The following DNAH1 variants were observed in gnomAD, a reference collection of about 807,000 sequenced individuals.
DNAH1 encodes the protein axonemal beta dynein heavy chain 1.
DNAH1 carries 327 observed loss-of-function variants against 484.3 expected under a neutral mutation model. The observed-to-expected ratio is 0.68, with a 90% CI of 0.62 to 0.74. The LOEUF is 0.74. Ranked by LOEUF, DNAH1 falls within the 30% of genes least tolerant of loss-of-function variation. DNAH1 has a pLI of 0.00. For missense variants in DNAH1, 5,052 were observed against 5,546.8 expected (o/e 0.91, Z 2.83); for synonymous variants, 2,192 against 2,191.9 (o/e 1.00, Z 0.00).
rs1704447611 is a variant in DNAH1 at position 52,392,774 on chromosome 3, C to T, written c.10279-56C>T. 12 of 1,554,506 alleles carry T rather than the reference C, an allele frequency of 7.7e-6. 1 individual carries two copies. The South Asian group carries it at 1.3e-4, about 16-fold the overall frequency. ...CTCCCTGCCTGCCCTAGGCCTGCCC[C>T]CCAAACCCCCTACCTTCTGCTCTTT... On this transcript the variant is annotated intron_variant, in intron 64 of 77. Coordinates refer to ENST00000420323, the MANE Select transcript of DNAH1 (RefSeq NM_015512.5).
intron 60 of DNAH1, among the ~76,000 whole-genome samples, chr3:52,389,814 T>C (rs1209153106): frequency 6.6e-6 from 1 of 152,206 alleles, no homozygotes. Flanking sequence ...TTAGGGGTAC[T>C]TTTAAGAGTG....
At position 52,359,238 on chromosome 3, in the gene DNAH1, C is replaced by T. The variant is rs1284961701; in HGVS notation, c.4267-8C>T. ...GTCCAGGTCAGCCTGCCCATGCTGTCTTCCCAGATGCCCAGGACCCAGTGG... is the reference window on the plus strand; with the variant it reads ...GTCCAGGTCAGCCTGCCCATGCTGTTTTCCCAGATGCCCAGGACCCAGTGG... On this transcript the variant is annotated splice_region_variant and splice_polypyrimidine_tract_variant and intron_variant, in intron 25 of 77. Coordinates refer to ENST00000420323, the MANE Select transcript of DNAH1 (RefSeq NM_015512.5). 6 of 1,563,580 alleles carry T rather than the reference C, an allele frequency of 3.8e-6. No individual in the cohort carries two copies. In the South Asian group the frequency reaches 5.9e-5, roughly 15 times the overall value.
At chr3:52,349,950 C>T in intron 14 of DNAH1, 39 bp from the exon 15 acceptor site, 1 of 1,572,106 alleles carries the variant, frequency 6.4e-7, no homozygotes, top group Non-Finnish European at 8.6e-7. Flanking sequence ...GGCAAGGGAG[C>T]AGCATGCTGC....
chr3:52,388,665 G>A, intron 58 of DNAH1, 56 bp downstream of exon 58: 3 of 1,610,640 alleles, frequency 1.9e-6, no homozygotes, highest in Non-Finnish European at 2.5e-6. Flanking sequence ...ACAGGGGCCA[G>A]AAAGGACCAG....
At chr3:52,394,332 T>C in intron 66 of DNAH1, 133 bp from the exon 67 acceptor site, 1 of 849,386 alleles carries the variant, frequency 1.2e-6, no homozygotes. Context: ...CCAGACCTGT[T>C]TGACTACCAT....
chr3:52,382,733 G>T, intron 50 of DNAH1, among the ~76,000 whole-genome samples: 1 of 152,242 alleles, frequency 6.6e-6, no homozygotes, highest in East Asian at 1.9e-4. Flanking sequence ...GGCCAATGGT[G>T]TCCCACCTCA....
At chr3:52,346,849 C>A in intron 11 of DNAH1, 79 bp downstream of exon 11, 1 of 1,462,024 alleles carries the variant, frequency 6.8e-7, no homozygotes, top group Non-Finnish European at 9.2e-7. Context: ...GGTCAGGGAC[C>A]AGGGCCAGGG....
chr3:52,386,145 G>A lies in DNAH1; in HGVS notation c.8626-15G>A. 2 of 1,606,512 alleles carry A rather than the reference G, an allele frequency of 1.2e-6. No homozygotes were observed. Among genetic ancestry groups the A allele is most frequent in the Non-Finnish European group, 1.7e-6 (2 of 1,175,134 alleles). On this transcript the variant is annotated splice_polypyrimidine_tract_variant and intron_variant, in intron 54 of 77. Coordinates refer to ENST00000420323, the MANE Select transcript of DNAH1 (RefSeq NM_015512.5). ...AGAAAAGGGGGGAGGACATCCCTAT[G>A]TCTCCCATCCCCAGGTGGATACGGC...
At position 52,355,750 on chromosome 3, in the gene DNAH1, C is replaced by T. The variant is rs182145018; in HGVS notation, c.3693+695C>T. Among the ~76,000 whole-genome samples, 3 of 152,392 alleles carry T rather than the reference C, an allele frequency of 2.0e-5. No individual in the cohort carries two copies. The highest frequency in any genetic ancestry group is 1.3e-4 in the Admixed American group (2 of 15,310). ...ACTATCCCCAGTCCCCCTCTGCTCA[C>T]GCTGTCCACTCGACCTGGAGTTTGA... is the stretch of plus-strand genomic sequence containing the variant. On this transcript the variant is annotated intron_variant, in intron 21 of 77. Coordinates refer to ENST00000420323, the MANE Select transcript of DNAH1 (RefSeq NM_015512.5). This position sits in a 1 kb window ranked among gnomAD's most constrained non-coding sequence, Gnocchi z 4.5.
At chr3:52,322,998 T>C (rs182838691) in intron 2 of DNAH1, among the ~76,000 whole-genome samples, 21 of 152,324 alleles carry the variant, frequency 1.4e-4, no homozygotes, top group Admixed American at 7.8e-4. Flanking sequence ...CGACAACTCA[T>C]TACTGAGCTC....
chr3:52,361,591 C>A lies in DNAH1; in HGVS notation c.4875-70C>A. 1 of 1,477,000 alleles carries A rather than the reference C, an allele frequency of 6.8e-7. No homozygotes were observed. The highest frequency in any genetic ancestry group is 9.2e-7 in the Non-Finnish European group (1 of 1,085,150). 91.5% of individuals were successfully genotyped at this position (1,477,000 alleles called of 1,614,324 possible). On this transcript the variant is annotated intron_variant, in intron 29 of 77. Transcript: ENST00000420323. The surrounding 1 kb of genome is among the most constrained non-coding windows in gnomAD (Gnocchi z 5.6). ...TCCTCCCAAGTGGAGTTGGAGGGGG[C>A]CCTCAGAGGGAGGTGCCCAGATTGG...
rs1323017665 is a variant in DNAH1 at position 52,379,891 on chromosome 3, T to TG, written c.7378-10dup. ...GGGGGCCAAGGACAGGCACCGATGC[T>TG]GGGGCTACTGCAGGACCAAGTGCAG... On this transcript the variant is annotated splice_polypyrimidine_tract_variant and intron_variant, in intron 47 of 77. Transcript: ENST00000420323. This position sits in a 1 kb window ranked among gnomAD's most constrained non-coding sequence, Gnocchi z 4.4. 2 of 1,550,878 alleles carry TG rather than the reference T, an allele frequency of 1.3e-6. No individual in the cohort carries two copies. The highest frequency in any genetic ancestry group is 2.7e-5 in the African/African-American group (2 of 73,166).
Position 52,333,836 on chromosome 3 carries a change from G to A in DNAH1, c.1286+1442G>A, listed in dbSNP as rs563525254. ...ATTTTAAACACTTTATTATAAAATA[G>A]GCTTTGTGTTACATAATTTTGCCCA... is the stretch of plus-strand genomic sequence containing the variant. On this transcript the variant is annotated intron_variant, in intron 8 of 77. Transcript: ENST00000420323. 3.3e-5 allele frequency among the ~76,000 whole-genome samples: 5 copies of A among 152,110 alleles called. No homozygotes were observed. The South Asian group carries it at 8.3e-4, about 25-fold the overall frequency.
rs1301979202 is a variant in DNAH1 at position 52,361,637 on chromosome 3, A to T, written c.4875-24A>T. 6.3e-7 allele frequency: 1 copy of T among 1,580,392 alleles called. No homozygotes were observed. Among genetic ancestry groups the T allele is most frequent in the South Asian group, 1.2e-5 (1 of 86,286 alleles). On this transcript the variant is annotated intron_variant, in intron 29 of 77. Coordinates refer to ENST00000420323, the MANE Select transcript of DNAH1 (RefSeq NM_015512.5). This position sits in a 1 kb window ranked among gnomAD's most constrained non-coding sequence, Gnocchi z 5.6. Reference sequence around the variant, plus strand: ...ATTGGGCTCTGAACACATGTGCCCCATCCAATGTTCCGGCCTCACTCAGTG... The same window carrying T: ...ATTGGGCTCTGAACACATGTGCCCCTTCCAATGTTCCGGCCTCACTCAGTG...
chr3:52,312,122 G>C (rs972703477), upstream of DNAH1, among the ~76,000 whole-genome samples: 2 of 152,198 alleles, frequency 1.3e-5, no homozygotes, highest in African/African-American at 4.8e-5. Context: ...AGGGACCGAG[G>C]GTCCAGCTGC....
In DNAH1 at chr3:52,389,600, G is replaced by C; in HGVS notation, c.9621+14G>C. ...CGATCGTGGCAGGTGCCCACCCCAG[G>C]GGCAGGAGTGCCCAGGCAGGGCCTG... On this transcript the variant is annotated intron_variant, in intron 60 of 77. Coordinates refer to ENST00000420323, the MANE Select transcript of DNAH1 (RefSeq NM_015512.5). The C allele has an allele frequency of 5.5e-6, 8 of 1,441,494 alleles. No individual in the cohort carries two copies. Among genetic ancestry groups the C allele is most frequent in the Non-Finnish European group, 7.3e-6 (8 of 1,094,236 alleles). 89.3% of individuals were successfully genotyped at this position (1,441,494 alleles called of 1,614,324 possible).
rs1702692875 is a variant in DNAH1 at position 52,358,042 on chromosome 3, G to A, written c.4086+39G>A. ...CCCGGGGCTCAGGGCTGGGAGCATG[G>A]GGCATCTTCCCAGGGAGAACGTCCC... On this transcript the variant is annotated intron_variant, in intron 24 of 77. Transcript: ENST00000420323. This position sits in a 1 kb window ranked among gnomAD's most constrained non-coding sequence, Gnocchi z 4.2. 6.7e-7 allele frequency: 1 copy of A among 1,486,304 alleles called. No individual in the cohort carries two copies. The highest frequency in any genetic ancestry group is 9.2e-7 in the Non-Finnish European group (1 of 1,092,024). The allele number at this position is 1,486,304 out of a possible 1,614,324, so 92.1% of individuals were successfully genotyped here. A position where few individuals can be genotyped will look rare whatever the true frequency, so the allele number is the denominator to read the frequency against.
rs79358100 is a variant in DNAH1 at position 52,337,836 on chromosome 3, C to T, written c.1286+5442C>T. 2.3e-3 allele frequency among the ~76,000 whole-genome samples: 350 copies of T among 152,264 alleles called. 1 individual carries two copies. Among genetic ancestry groups the T allele is most frequent in the African/African-American group, 8.0e-3 (331 of 41,534 alleles). On this transcript the variant is annotated intron_variant, in intron 8 of 77. Coordinates refer to ENST00000420323, the MANE Select transcript of DNAH1 (RefSeq NM_015512.5). ...AGACAGGGTCTTGCTCTGTCACCCA[C>T]GCCACAGTGCAGTAGCACAACAATC...
chr3:52,347,464 C>T (rs1702189590), intron 11 of DNAH1, among the ~76,000 whole-genome samples: 1 of 152,138 alleles, frequency 6.6e-6, no homozygotes. Context: ...CAGAGGGTTC[C>T]AGCTGGGATC....
Sources: allele counts gnomAD v4.1 joint callset (sites outside exome capture counted in the v4.1 genomes callset), GRCh38; gene constraint gnomAD v4.1.1; non-coding constraint Gnocchi (gnomAD v3.1); transcripts MANE v1.5; gene names NCBI Gene and HGNC (gene_info 2026-07-23, HGNC 2026-07-21).